The following NLRP11 variants were observed in gnomAD, a reference collection of about 807,000 sequenced individuals.
The protein encoded by NLRP11 is NLR family pyrin domain containing 11.
A neutral mutation model predicts 79.3 loss-of-function variants in NLRP11; 53 were observed. That is an observed-to-expected ratio of 0.67 (90% CI 0.54 to 0.84). The LOEUF (loss-of-function observed/expected upper bound fraction) is 0.84. Ranked by LOEUF, NLRP11 falls within the 40% of genes least tolerant of loss-of-function variation. The pLI, the probability that NLRP11 is intolerant of heterozygous loss-of-function variation, is 0.00. For missense variants in NLRP11, 1,264 were observed against 1,255.0 expected (o/e 1.01, Z -0.11); for synonymous variants, 518 against 462.6 (o/e 1.12, Z -1.54).
intron 9 of NLRP11, 80 bp from the exon 10 acceptor site, chr19:55,785,951 T>C: frequency 3.5e-6 from 5 of 1,418,518 alleles, no homozygotes; most frequent in Non-Finnish European, 4.8e-6. Context: ...TAATTCCCCA[T>C]ATGGCATCCT....
At chr19:55,823,242 C>T (rs1473651726) in intron 1 of NLRP11, among the ~76,000 whole-genome samples, 1 of 138,764 alleles carries the variant, frequency 7.2e-6, no homozygotes, top group Non-Finnish European at 1.5e-5. Flanking sequence ...GAAAGGACAT[C>T]CACACCGAAA....
chr19:55,823,576 A>T (rs1218077567), intron 1 of NLRP11, among the ~76,000 whole-genome samples: 1 of 143,608 alleles, frequency 7.0e-6, no homozygotes, highest in African/African-American at 2.7e-5. Context: ...AAAGGAGCTG[A>T]TGGAGCTGAA....
chr19:55,793,610 G>A (rs1205318952), intron 6 of NLRP11, among the ~76,000 whole-genome samples: 6 of 143,622 alleles, frequency 4.2e-5, no homozygotes, highest in Non-Finnish European at 7.6e-5. Context: ...CAATTTATTG[G>A]TTGGAAATAC....
upstream of NLRP11, chr19:55,836,258 A>G (rs559359048): frequency 1.3e-5 from 2 of 152,078 alleles, no homozygotes; most frequent in African/African-American, 2.4e-5. Context: ...AGTCACCCCA[A>G]CTCTCCAAAT....
chr19:55,828,419 T>C (rs1386366173), intron 1 of NLRP11, among the ~76,000 whole-genome samples: 3 of 151,790 alleles, frequency 2.0e-5, no homozygotes, highest in Non-Finnish European at 4.4e-5. Flanking sequence ...AGTATAATAA[T>C]AAAAAAAAGA....
chr19:55,788,716 GGC>G (rs2122704736), intron 9 of NLRP11, 89 bp downstream of exon 9: 1 of 910,050 alleles, frequency 1.1e-6, no homozygotes, highest in South Asian at 1.8e-5. Flanking sequence ...CTCCAGCCTG[GGC>G]AACAGAGTGA....
intron 2 of NLRP11, among the ~76,000 whole-genome samples, chr19:55,815,359 T>G (rs908835261): frequency 6.6e-6 from 1 of 151,748 alleles, no homozygotes; most frequent in Non-Finnish European, 1.5e-5. Flanking sequence ...TGAAACCCCA[T>G]CTCTACTAAA....
At chr19:55,811,613 C>T (rs1305431691) in intron 2 of NLRP11, among the ~76,000 whole-genome samples, 1 of 152,142 alleles carries the variant, frequency 6.6e-6, no homozygotes, top group Non-Finnish European at 1.5e-5. Flanking sequence ...CGACCTAGCA[C>T]ATCTCAACAG....
At chr19:55,807,826 T>C in intron 4 of NLRP11, 27 bp downstream of exon 4, 5 of 1,531,580 alleles carry the variant, frequency 3.3e-6, no homozygotes, top group Non-Finnish European at 4.5e-6. Flanking sequence ...GGGGAACCTC[T>C]AAGGCAGAGG....
chr19:55,817,735 G>A (rs754647902), intron 2 of NLRP11, among the ~76,000 whole-genome samples, 169 bp downstream of exon 2: 3 of 151,426 alleles, frequency 2.0e-5, no homozygotes, highest in Non-Finnish European at 2.9e-5. Context: ...CTGCTCAGAC[G>A]GTGGGGATGC....
At chr19:55,795,532 C>T (rs1978748231) in intron 6 of NLRP11, among the ~76,000 whole-genome samples, 1 of 151,966 alleles carries the variant, frequency 6.6e-6, no homozygotes, top group South Asian at 2.1e-4. Context: ...CTCTGTCACC[C>T]AGGCTGGAGT....
chr19:55,823,144 C>T (rs1351835174), intron 1 of NLRP11, among the ~76,000 whole-genome samples: 3 of 146,304 alleles, frequency 2.1e-5, no homozygotes, highest in African/African-American at 5.2e-5. Flanking sequence ...CACCCCCCAG[C>T]AGGAGCACAC....
chr19:55,808,778 G>A, exon 3 of NLRP11: 1 of 1,605,278 alleles, frequency 6.2e-7, no homozygotes, highest in South Asian at 1.1e-5. Context: ...CCTAGCAGTT[G>A]GCCTTATAAG....
At chr19:55,827,088 C>T (rs948598535) in intron 1 of NLRP11, among the ~76,000 whole-genome samples, 3 of 142,324 alleles carry the variant, frequency 2.1e-5, no homozygotes, top group Non-Finnish European at 4.5e-5. Context: ...TGGAACAGAA[C>T]AGAGCCCTCA....
chr19:55,808,811 C>A (rs375975641), exon 3 of NLRP11: 1 of 1,612,358 alleles, frequency 6.2e-7, no homozygotes, highest in East Asian at 2.2e-5. Context: ...TTGAAAGATG[C>A]GCTGAACACT....
chr19:55,796,878 C>T lies in NLRP11; in HGVS notation c.2172-628G>A, dbSNP rs368435842. On this transcript the variant is annotated intron_variant, in intron 5 of 9. Coordinates refer to ENST00000589093, the Ensembl canonical transcript of NLRP11. ...TAATGTTTGTATTTTTAGTAGACACCAGGTTTCACCATGTTGGCCAGGCTG... is the reference window on the plus strand; with the variant it reads ...TAATGTTTGTATTTTTAGTAGACACTAGGTTTCACCATGTTGGCCAGGCTG... Among the ~76,000 whole-genome samples, 6 of 151,816 alleles carry T rather than the reference C, an allele frequency of 4.0e-5. No individual in the cohort carries two copies. In the East Asian group the frequency reaches 9.7e-4, roughly 24 times the overall value.
In NLRP11 at chr19:55,809,264, A is replaced by C; in HGVS notation, c.1346T>G (p.Ile449Arg). The C allele has an allele frequency of 6.2e-7, 1 of 1,614,080 alleles. No homozygotes were observed. Among genetic ancestry groups the C allele is most frequent in the Non-Finnish European group, 8.5e-7 (1 of 1,179,936 alleles). The change falls in exon 3 of 10, where the codon ATA becomes AGA. Residue 449 changes from isoleucine (I) to arginine (R), a missense_variant. By Grantham distance (97) the Ile-to-Arg change is moderately conservative. Coordinates refer to ENST00000589093, the Ensembl canonical transcript of NLRP11. The surrounding 1 kb of genome is among the most constrained non-coding windows in gnomAD (Gnocchi z 4.5). ...ACAAAACTCCTGGACGTTCAAGTGT[A>C]TGAACTTGTAACGGTCTTTATGAGT...
Position 55,797,989 on chromosome 19 carries a change from T to C in NLRP11, c.2172-1739A>G, listed in dbSNP as rs1279763639. ...ACCCAGCGTGAAATGGTGTATTCTA[T>C]ATTATTATTATTTTTTTTTTTTTTG... is the stretch of plus-strand genomic sequence containing the variant. On this transcript the variant is annotated intron_variant, in intron 5 of 9. Transcript: ENST00000589093. Among the ~76,000 whole-genome samples the C allele has an allele frequency of 2.1e-5, 3 of 140,292 alleles. No homozygotes were observed. In the East Asian group the frequency reaches 6.5e-4, roughly 31 times the overall value. 92.0% of individuals were successfully genotyped at this position (140,292 alleles called of 152,430 possible).
At chr19:55,824,456 GAC>G (rs1198076922) in intron 1 of NLRP11, among the ~76,000 whole-genome samples, 1 of 140,536 alleles carries the variant, frequency 7.1e-6, no homozygotes, top group Non-Finnish European at 1.5e-5. Context: ...CCAATTAAAA[GAC>G]ACAGACTGGC....
Sources: gnomAD v4.1 joint callset for allele counts (sites outside exome capture counted in the v4.1 genomes callset) on GRCh38, gnomAD v4.1.1 for gene constraint, Gnocchi (gnomAD v3.1) non-coding constraint, MANE v1.5 for transcripts, NCBI Gene and HGNC (gene_info 2026-07-23, HGNC 2026-07-21) for gene names.